CLSTN1: variants seen among roughly 807,000 people sequenced by gnomAD.
CLSTN1 encodes calsyntenin-1.
CLSTN1 carries 28 observed loss-of-function variants against 108.3 expected under a neutral mutation model. That is an observed-to-expected ratio of 0.26 (90% confidence interval 0.19 to 0.35). CLSTN1 has a LOEUF of 0.35. CLSTN1 is among the 10% of genes least tolerant of loss of function. The pLI is 1.00. For missense variants in CLSTN1, 1,157 were observed against 1,302.6 expected, an observed-to-expected ratio of 0.89 and a Z score of 1.72; for synonymous variants, 524 against 534.9, an observed-to-expected ratio of 0.98 and a Z score of 0.28.
In CLSTN1 at chr1:9,744,201, T is replaced by C. The variant is rs1044670540; in HGVS notation, c.1234+194A>G. ...AGCCTGTGATCACCGTGGACCCCACTGAGCAACAACAGCTAATACCCAAAT... is the reference window on the plus strand; with the variant it reads ...AGCCTGTGATCACCGTGGACCCCACCGAGCAACAACAGCTAATACCCAAAT... On this transcript the variant is annotated intron_variant, in intron 8 of 18. Coordinates refer to ENST00000377298, the MANE Select transcript of CLSTN1 (RefSeq NM_001009566.3). Among the ~76,000 whole-genome samples the C allele has an allele frequency of 9.8e-5, 15 of 152,340 alleles. No individual in the cohort carries two copies. The highest frequency in any genetic ancestry group is 3.6e-4 in the African/African-American group (15 of 41,568).
At position 9,790,807 on chromosome 1, in the gene CLSTN1, C is replaced by A. The variant is rs113865383; in HGVS notation, c.92-17413G>T. On this transcript the variant is annotated intron_variant, in intron 1 of 18. Coordinates refer to ENST00000377298, the MANE Select transcript of CLSTN1 (RefSeq NM_001009566.3). ...CTATTTTTGAAAAATCAGGGTGTGA[C>A]GATCGCAAATGTGCTTTTAAAAATT... 1.3e-5 allele frequency among the ~76,000 whole-genome samples: 2 copies of A among 150,948 alleles called. 1 individual carries two copies. Among genetic ancestry groups the A allele is most frequent in the African/African-American group, 4.8e-5 (2 of 41,282 alleles).
intron 1 of CLSTN1, among the ~76,000 whole-genome samples, chr1:9,790,160 G>A (rs572238269): frequency 9.4e-4 from 142 of 151,320 alleles, no homozygotes; most frequent in Middle Eastern, 3.4e-3. Flanking sequence ...GTTTCACTCC[G>A]AATTCCGCTA....
At chr1:9,755,379 C>T (rs41280778) in intron 3 of CLSTN1, 70 bp from the exon 4 acceptor site, 3 of 1,257,368 alleles carry the variant, frequency 2.4e-6, no homozygotes, top group Admixed American at 2.1e-5. Flanking sequence ...CCTCCTCCCC[C>T]CATCTCCACC....
chr1:9,803,923 C>A (rs1198722391), intron 1 of CLSTN1, among the ~76,000 whole-genome samples: 1 of 152,182 alleles, frequency 6.6e-6, no homozygotes, highest in Non-Finnish European at 1.5e-5. Flanking sequence ...TTTTCAACTA[C>A]TGAACTTTTG....
rs1222077049 is a variant in CLSTN1 at position 9,756,497 on chromosome 1, C to A, written c.228G>T (p.Val76=). 2 of 1,612,624 alleles carry A rather than the reference C, an allele frequency of 1.2e-6. No individual in the cohort carries two copies. Among genetic ancestry groups the A allele is most frequent in the Non-Finnish European group, 1.7e-6 (2 of 1,178,800 alleles). The change falls in exon 3 of 19, where the codon GTG becomes GTT. Residue 76 remains valine (V), a synonymous_variant. Coordinates refer to ENST00000377298, the MANE Select transcript of CLSTN1 (RefSeq NM_001009566.3). Reference sequence around the variant, plus strand: ...CTTTATCACCTTCTTTGGTGACTGTCACCTCAAAACTCTCTAAAGGGAGAA... The same window carrying A: ...CTTTATCACCTTCTTTGGTGACTGTAACCTCAAAACTCTCTAAAGGGAGAA... ...APLRFAESFE[V]TVTKEGEICG...
chr1:9,806,609 G>T (rs1247229361), intron 1 of CLSTN1, among the ~76,000 whole-genome samples: 1 of 152,218 alleles, frequency 6.6e-6, no homozygotes, highest in Non-Finnish European at 1.5e-5. Context: ...GCCGGGCGCG[G>T]TGGCTCACGC....
rs780808018 is a variant in CLSTN1 at position 9,735,866 on chromosome 1, G to A, written c.1734+19C>T. 1.2e-6 allele frequency: 2 copies of A among 1,613,754 alleles called. No homozygotes were observed. Among genetic ancestry groups the A allele is most frequent in the Admixed American group, 1.7e-5 (1 of 60,014 alleles). On this transcript the variant is annotated intron_variant, in intron 12 of 18. Transcript: ENST00000377298. ...CTAAGGGGCCCATGAGTGGTGTGCA[G>A]TCGAGCGCTCGGTGTTACCTGCACG...
intron 3 of CLSTN1, 55 bp from the exon 4 acceptor site, chr1:9,755,364 C>T (rs1651761647): frequency 7.0e-7 from 1 of 1,428,168 alleles, no homozygotes; most frequent in Admixed American, 1.9e-5. Flanking sequence ...TCTTCTGCAC[C>T]TTGCCCTCCT....
At chr1:9,820,480 T>C (rs548076377) in intron 1 of CLSTN1, among the ~76,000 whole-genome samples, 7 of 152,092 alleles carry the variant, frequency 4.6e-5, no homozygotes, top group Admixed American at 3.9e-4. Flanking sequence ...GATCGCGCCA[T>C]TGCACTCCAG....
chr1:9,795,483 G>T (rs1653948484), intron 1 of CLSTN1, among the ~76,000 whole-genome samples: 1 of 151,138 alleles, frequency 6.6e-6, no homozygotes, highest in Non-Finnish European at 1.5e-5. Context: ...AACATTTTTA[G>T]AGCAACAGAA....
chr1:9,762,867 G>A (rs545766447), intron 2 of CLSTN1, among the ~76,000 whole-genome samples: 31 of 152,284 alleles, frequency 2.0e-4, no homozygotes, highest in Non-Finnish European at 3.2e-4. Flanking sequence ...TGTCCCTGAC[G>A]TTGGGTGACC....
rs1454359740 is a variant in CLSTN1 at position 9,734,898 on chromosome 1, T to C, written c.2110+50A>G. 4 of 1,496,116 alleles carry C rather than the reference T, an allele frequency of 2.7e-6. No homozygotes were observed. Among genetic ancestry groups the C allele is most frequent in the Non-Finnish European group, 3.7e-6 (4 of 1,074,230 alleles). The allele number at this position is 1,496,116 out of a possible 1,614,324, so 92.7% of individuals were successfully genotyped here. On this transcript the variant is annotated intron_variant, in intron 14 of 18. Coordinates refer to ENST00000377298, the MANE Select transcript of CLSTN1 (RefSeq NM_001009566.3). The surrounding 1 kb of genome is among the most constrained non-coding windows in gnomAD (Gnocchi z 4.8). ...AGCCCCGCCAAGTACATGGGGACAA[T>C]GGGGTTTCCGGCCGAGGCGAGGGAG...
At chr1:9,787,390 G>C (rs2101211542) in intron 1 of CLSTN1, among the ~76,000 whole-genome samples, 1 of 150,746 alleles carries the variant, frequency 6.6e-6, no homozygotes, top group Non-Finnish European at 1.5e-5. Flanking sequence ...AAAGCTTAAA[G>C]TGAGCCTTCT....
chr1:9,743,836 G>T, intron 9 of CLSTN1, 48 bp downstream of exon 9: 1 of 1,607,624 alleles, frequency 6.2e-7, no homozygotes, highest in Non-Finnish European at 8.5e-7. Context: ...GGGATTATAG[G>T]TGTGAGCACC....
chr1:9,769,220 C>T (rs996322610), intron 2 of CLSTN1, among the ~76,000 whole-genome samples: 1 of 151,748 alleles, frequency 6.6e-6, no homozygotes, highest in South Asian at 2.1e-4. Flanking sequence ...CTCCCTCCCC[C>T]CCATGCAGCT....
rs180878409 is a variant in CLSTN1, at chr1:9,751,600, G to A, written c.522C>T (p.Ile174=). ...AAATGCTGTCGTACTGCTTCCCCTC[G>A]ATGACCGTGGCTTTGTAGGACTTCT... The part of the protein sequence containing the change: ...FKEKSYKATV[I]EGKQYDSILR... The change falls in exon 5 of 19, where the codon ATC becomes ATT. Residue 174 remains isoleucine (I), a synonymous_variant. Coordinates refer to ENST00000377298, the MANE Select transcript of CLSTN1 (RefSeq NM_001009566.3). 24 of 1,614,140 alleles carry A rather than the reference G, an allele frequency of 1.5e-5. No homozygotes were observed. The East Asian group carries it at 3.6e-4, about 24-fold the overall frequency.
intron 1 of CLSTN1, among the ~76,000 whole-genome samples, chr1:9,814,247 C>CAAAAAAA (rs558624346): frequency 1.1e-5 from 1 of 94,912 alleles, no homozygotes; most frequent in African/African-American, 3.8e-5. Context: ...CCATCTCTAC[C>CAAAAAAA]AAAAAAAAAA....
chr1:9,772,679 C>G (rs1028064424), intron 2 of CLSTN1, among the ~76,000 whole-genome samples: 13 of 152,184 alleles, frequency 8.5e-5, no homozygotes, highest in African/African-American at 3.1e-4. Flanking sequence ...ATGAAAATCT[C>G]CAAAGCAATG....
chr1:9,786,417 T>G (rs527621777), intron 1 of CLSTN1, among the ~76,000 whole-genome samples: 18 of 152,054 alleles, frequency 1.2e-4, no homozygotes, highest in African/African-American at 4.1e-4. Flanking sequence ...CGAGGCAGGC[T>G]GATCACCTGA....
Sources: gnomAD v4.1 joint callset for allele counts (sites outside exome capture counted in the v4.1 genomes callset) on GRCh38, gnomAD v4.1.1 for gene constraint, Gnocchi (gnomAD v3.1) non-coding constraint, MANE v1.5 for transcripts, NCBI Gene and HGNC (gene_info 2026-07-23, HGNC 2026-07-21) for gene names.